Variants in MACROD2 observed in about 807,000 individuals in gnomAD.
MACROD2 encodes the protein mono-ADP ribosylhydrolase 2, also known as ADP-ribose glycohydrolase MACROD2.
In MACROD2, 36 loss-of-function variants were observed where a neutral mutation model predicts 70.4. That is an observed-to-expected ratio of 0.51 (90% CI 0.39 to 0.68). MACROD2 has a LOEUF of 0.68. Among genes scored for constraint, MACROD2 ranks in the 30% least tolerant of loss-of-function variants. The probability of loss-of-function intolerance (pLI) is 0.00; values close to 1 mark genes in which losing one functional copy is unlikely to be tolerated. For missense variants in MACROD2, 496 were observed against 538.4 expected (o/e 0.92, Z 0.78); for synonymous variants, 172 against 178.8 (o/e 0.96, Z 0.30).
chr20:14,611,213 C>T (rs1983137270), intron 4 of MACROD2, among the ~76,000 whole-genome samples: 1 of 152,032 alleles, frequency 6.6e-6, no homozygotes, highest in Non-Finnish European at 1.5e-5. Context: ...CCATTTTATA[C>T]CTGTGTTTCC....
intron 5 of MACROD2, among the ~76,000 whole-genome samples, chr20:14,955,068 A>G (rs1453487188): frequency 4.2e-4 from 1 of 2,374 alleles, no homozygotes; most frequent in African/African-American, 1.5e-3. Flanking sequence ...AATTAAATAT[A>G]TTAAATATTT....
At chr20:14,696,784 A>T (rs984245894) in intron 5 of MACROD2, among the ~76,000 whole-genome samples, 1 of 152,140 alleles carries the variant, frequency 6.6e-6, no homozygotes, top group Non-Finnish European at 1.5e-5. Flanking sequence ...TGTGGAGGGC[A>T]AAGGGCTCTC....
chr20:14,921,372 G>A (rs576463276), intron 5 of MACROD2, among the ~76,000 whole-genome samples: 2 of 152,142 alleles, frequency 1.3e-5, no homozygotes, highest in African/African-American at 4.8e-5. Context: ...GTCTTTGCCT[G>A]AGACAAGCAC....
chr20:14,682,435 T>C (rs528034518), intron 4 of MACROD2, among the ~76,000 whole-genome samples: 1 of 151,452 alleles, frequency 6.6e-6, no homozygotes, highest in Admixed American at 6.6e-5. Context: ...AATATATATA[T>C]ACACATTACA....
chr20:16,025,619 G>A (rs756681413), intron 15 of MACROD2, among the ~76,000 whole-genome samples: 4 of 152,002 alleles, frequency 2.6e-5, no homozygotes, highest in East Asian at 1.9e-4. Flanking sequence ...TGGGGATGGC[G>A]GGTTGGGGGA....
chr20:14,135,639 A>G (rs1285293768), intron 3 of MACROD2, among the ~76,000 whole-genome samples: 2 of 152,142 alleles, frequency 1.3e-5, no homozygotes, highest in Non-Finnish European at 2.9e-5. Context: ...TTGCATCACT[A>G]CACTCCAGCT....
At chr20:14,012,063 C>A (rs755506764) in intron 2 of MACROD2, among the ~76,000 whole-genome samples, 1 of 152,014 alleles carries the variant, frequency 6.6e-6, no homozygotes, top group Non-Finnish European at 1.5e-5. Context: ...CATGTACCCC[C>A]GCCCAGCTAA....
chr20:14,971,793 T>C (rs924092312), intron 5 of MACROD2, among the ~76,000 whole-genome samples: 2 of 152,088 alleles, frequency 1.3e-5, no homozygotes, highest in Admixed American at 6.5e-5. Flanking sequence ...CTTATAAAAA[T>C]AGGTTCTTTG....
intron 6 of MACROD2, among the ~76,000 whole-genome samples, chr20:15,286,395 TATC>T (rs1419456487): frequency 6.6e-6 from 1 of 150,566 alleles, no homozygotes; most frequent in Non-Finnish European, 1.5e-5. Context: ...AGGTTTATCA[TATC>T]ATGTCTTTAG....
chr20:15,599,273 T>A (rs137938712), intron 8 of MACROD2, among the ~76,000 whole-genome samples: 26 of 151,006 alleles, frequency 1.7e-4, no homozygotes, highest in African/African-American at 5.8e-4. Flanking sequence ...ACGCCTGTAG[T>A]CCCAGCTACG....
chr20:15,080,143 T>TAAATA (rs142700604), intron 5 of MACROD2, among the ~76,000 whole-genome samples: 42 of 150,952 alleles, frequency 2.8e-4, no homozygotes, highest in South Asian at 8.4e-4. Flanking sequence ...AATAAATAAA[T>TAAATA]AAATAAATAA....
intron 3 of MACROD2, among the ~76,000 whole-genome samples, chr20:14,338,677 G>GA (rs1385023316): frequency 6.6e-6 from 1 of 151,924 alleles, no homozygotes; most frequent in Admixed American, 6.6e-5. Context: ...AACATCTTAA[G>GA]AAAAAAATCT....
intron 5 of MACROD2, among the ~76,000 whole-genome samples, chr20:14,858,706 T>C (rs1037966993): frequency 1.3e-5 from 2 of 152,132 alleles, no homozygotes; most frequent in African/African-American, 4.8e-5. Flanking sequence ...CGTATTCTTC[T>C]AAGCAAAAAG....
intron 8 of MACROD2, among the ~76,000 whole-genome samples, chr20:15,561,221 G>C (rs1423898332): frequency 2.6e-5 from 4 of 152,156 alleles, no homozygotes; most frequent in Non-Finnish European, 5.9e-5. Context: ...GGTAAATTGG[G>C]CTTGCTGTCA....
intron 10 of MACROD2, among the ~76,000 whole-genome samples, chr20:15,888,633 C>A (rs976670495): frequency 1.3e-4 from 20 of 152,112 alleles, no homozygotes; most frequent in African/African-American, 4.8e-4. Context: ...TTAATTGGAT[C>A]ACCATTTCTG....
At chr20:15,397,562 G>A (rs2045876195) in intron 6 of MACROD2, among the ~76,000 whole-genome samples, 1 of 152,308 alleles carries the variant, frequency 6.6e-6, no homozygotes, top group East Asian at 1.9e-4. Context: ...GCCTCTCAAA[G>A]TTGGGATTAC....
chr20:14,304,410 A>G lies in MACROD2; in HGVS notation c.272-189069A>G, dbSNP rs2082502265. Among the ~76,000 whole-genome samples the G allele has an allele frequency of 4.6e-5, 7 of 152,314 alleles. No homozygotes were observed. The South Asian group carries it at 1.5e-3, about 32-fold the overall frequency. ...TGAATGTCTAATGAAGCCAACCAGT[A>G]TTTTTAAAAAGAAGTCTAAGATTGC... On this transcript the variant is annotated intron_variant, in intron 3 of 17. Transcript: ENST00000684519.
At chr20:14,769,032 C>A (rs2072130245) in intron 5 of MACROD2, among the ~76,000 whole-genome samples, 1 of 151,982 alleles carries the variant, frequency 6.6e-6, no homozygotes, top group Admixed American at 6.6e-5. Context: ...ATAGTGAGGC[C>A]TTAGGCCTCA....
chr20:14,058,506 A>G (rs1601169957), intron 2 of MACROD2, among the ~76,000 whole-genome samples: 2 of 151,062 alleles, frequency 1.3e-5, no homozygotes, highest in South Asian at 4.2e-4. Flanking sequence ...TTTGTTGATT[A>G]TATCTTTGCC....
Sources: gnomAD v4.1 joint callset for allele counts (sites outside exome capture counted in the v4.1 genomes callset) on GRCh38, gnomAD v4.1.1 for gene constraint, MANE v1.5 for transcripts, NCBI Gene and HGNC (gene_info 2026-07-23, HGNC 2026-07-21) for gene names.